Variants in DNAH8 observed in about 807,000 individuals in gnomAD.
DNAH8 encodes the protein axonemal beta dynein heavy chain 8.
Under a neutral mutation model 562.1 loss-of-function variants are expected in DNAH8, and 382 were observed. The observed-to-expected ratio is 0.68, with a 90% CI of 0.63 to 0.74. The LOEUF (loss-of-function observed/expected upper bound fraction) is 0.74. Among genes scored for constraint, DNAH8 ranks in the 30% least tolerant of loss-of-function variants. The pLI, the probability that DNAH8 is intolerant of heterozygous loss-of-function variation, is 0.00. For missense variants in DNAH8, 5,203 were observed against 5,620.4 expected (o/e 0.93, Z 2.37); for synonymous variants, 1,881 against 1,919.4 (o/e 0.98, Z 0.52).
intron 92 of DNAH8, among the ~76,000 whole-genome samples, chr6:39,028,806 A>G (rs921989650): frequency 2.0e-5 from 3 of 152,216 alleles, no homozygotes; most frequent in Non-Finnish European, 4.4e-5. Context: ...GATGGTAACC[A>G]TATGTCCTGA....
At chr6:38,962,669 A>C (rs139425792) in intron 82 of DNAH8, among the ~76,000 whole-genome samples, 90 of 152,338 alleles carry the variant, frequency 5.9e-4, no homozygotes, top group Non-Finnish European at 1.1e-3. Context: ...TAAAACAAGA[A>C]AAAGAATATA....
chr6:38,911,689 C>A (rs1446510642), intron 66 of DNAH8, 103 bp downstream of exon 66: 2 of 799,894 alleles, frequency 2.5e-6, no homozygotes, highest in African/African-American at 1.7e-5. Flanking sequence ...ATGAAATACT[C>A]ACTTTGTTAG....
At chr6:38,791,767 G>C in intron 21 of DNAH8, 93 bp downstream of exon 21, 8 of 1,318,796 alleles carry the variant, frequency 6.1e-6, no homozygotes, top group Non-Finnish European at 8.3e-6. Context: ...ACCTGGGTCA[G>C]TAGCATTTAG....
intron 7 of DNAH8, 94 bp downstream of exon 7, chr6:38,738,066 C>T: frequency 7.8e-7 from 1 of 1,285,288 alleles, no homozygotes; most frequent in Middle Eastern, 1.9e-4. Context: ...GAAGAGGTGT[C>T]TCCTTTGACT....
At chr6:38,826,006 T>C (rs1773285366) in intron 28 of DNAH8, 150 bp from the exon 29 acceptor site, 3 of 580,544 alleles carry the variant, frequency 5.2e-6, no homozygotes, top group Non-Finnish European at 9.1e-6. Context: ...AGTAACCTTA[T>C]AGCACATGTA....
intron 88 of DNAH8, among the ~76,000 whole-genome samples, chr6:38,997,860 C>T (rs373824842): frequency 1.4e-4 from 21 of 152,170 alleles, no homozygotes; most frequent in African/African-American, 4.3e-4. Flanking sequence ...CAGGCTCAAG[C>T]GGTTCTCATG....
At chr6:38,867,953 A>C in intron 47 of DNAH8, 109 bp from the exon 48 acceptor site, 1 of 1,158,280 alleles carries the variant, frequency 8.6e-7, no homozygotes, top group Non-Finnish European at 1.2e-6. Flanking sequence ...AGTCACCCCA[A>C]AACTATCCCA....
chr6:38,902,705 C>T (rs903687977), intron 62 of DNAH8, among the ~76,000 whole-genome samples: 1 of 152,172 alleles, frequency 6.6e-6, no homozygotes, highest in African/African-American at 2.4e-5. Flanking sequence ...ATTCTGGATA[C>T]ATTTTATAAC....
intron 17 of DNAH8, 124 bp from the exon 18 acceptor site, chr6:38,786,641 C>A: frequency 1.1e-6 from 1 of 893,644 alleles, no homozygotes; most frequent in Non-Finnish European, 1.7e-6. Flanking sequence ...GCACCTGGGG[C>A]ATCCAAAACA....
At chr6:38,862,514 A>G in intron 44 of DNAH8, 56 bp downstream of exon 44, 1 of 1,542,282 alleles carries the variant, frequency 6.5e-7, no homozygotes, top group Non-Finnish European at 8.8e-7. Context: ...TTGCCTTTTA[A>G]TGTTATTTTC....
At chr6:38,800,133 C>A (rs1770646694) in intron 21 of DNAH8, among the ~76,000 whole-genome samples, 1 of 151,904 alleles carries the variant, frequency 6.6e-6, no homozygotes, top group African/African-American at 2.4e-5. Context: ...TTTTATCTAT[C>A]CATTCACCAG....
At position 38,789,870 on chromosome 6, in the gene DNAH8, C is replaced by T. The variant is rs767179124; in HGVS notation, c.2651C>T (p.Pro884Leu). ...TCTGTGTTTGTCAATCTGATGACCC[C>T]AAAAATGAAAAAGGTTGGTATTGCT... Reference protein sequence around the residue: ...VPSVFVNLMTPKMKKVESVLR... With the variant: ...VPSVFVNLMTLKMKKVESVLR... The change falls in exon 19 of 93, where the codon CCA (proline) becomes CTA (leucine). Residue 884 changes from proline to leucine, a missense_variant. Coordinates refer to ENST00000327475, the MANE Select transcript of DNAH8 (RefSeq NM_001206927.2). The T allele has an allele frequency of 1.2e-6, 2 of 1,610,332 alleles. No homozygotes were observed. The highest frequency in any genetic ancestry group is 1.7e-6 in the Non-Finnish European group (2 of 1,177,898).
At chr6:38,801,827 TG>T (rs1370158486) in intron 21 of DNAH8, among the ~76,000 whole-genome samples, 1 of 152,076 alleles carries the variant, frequency 6.6e-6, no homozygotes, top group Non-Finnish European at 1.5e-5. Flanking sequence ...ACATAACACA[TG>T]GGGGCAAAAC....
chr6:38,836,325 TAATCCCAGCTACTC>T (rs1262384685), intron 32 of DNAH8, among the ~76,000 whole-genome samples: 1 of 151,970 alleles, frequency 6.6e-6, no homozygotes, highest in African/African-American at 2.4e-5. Context: ...CATGTGCCTG[TAATCCCAGCTACTC>T]AGGAGGCTGA....
In DNAH8 at chr6:38,851,616, T is replaced by TAG; in HGVS notation, c.5409_5410insGA (p.Ser1804AspfsTer33). On this transcript the variant is annotated frameshift_variant, in exon 39 of 93. Coordinates refer to ENST00000327475, the MANE Select transcript of DNAH8 (RefSeq NM_001206927.2). LOFTEE classifies it high-confidence loss of function. The stretch of plus-strand genomic sequence containing the variant: ...TTACTGTTTCCAAGATTCTTCTTTG[T>TAG]ATCTGATCCAGTTCTCCTGGAAATT... The TAG allele has an allele frequency of 6.2e-7, 1 of 1,612,378 alleles. No homozygotes were observed. The highest frequency in any genetic ancestry group is 8.5e-7 in the Non-Finnish European group (1 of 1,179,376).
intron 13 of DNAH8, among the ~76,000 whole-genome samples, chr6:38,776,449 T>C (rs1768088149): frequency 6.6e-6 from 1 of 152,074 alleles, no homozygotes; most frequent in African/African-American, 2.4e-5. Flanking sequence ...AACTCCTGAC[T>C]TCAGGTGATT....
rs143772933 is a variant in DNAH8, at chr6:38,911,576, T to C, written c.9849T>C (p.Arg3283=). 6.3e-7 allele frequency: 1 copy of C among 1,593,262 alleles called. No individual in the cohort carries two copies. The highest frequency in any genetic ancestry group is 8.6e-7 in the Non-Finnish European group (1 of 1,161,254). Residue 3283 remains arginine (R), a synonymous_variant, in exon 66 of 93, where the codon CGT becomes CGC. Transcript: ENST00000327475. The part of the protein sequence containing the change: ...KVKFINEQAE[R]MNIGLDKLME... ...AGTTCATTAATGAACAGGCTGAACG[T>C]ATGAATATTGGTAAGAGGAATGGAA...
intron 91 of DNAH8, among the ~76,000 whole-genome samples, chr6:39,021,039 T>C (rs1766885775): frequency 6.6e-6 from 1 of 152,210 alleles, no homozygotes; most frequent in Non-Finnish European, 1.5e-5. Context: ...TACCTAGTAA[T>C]GGGATTGCTG....
chr6:38,717,521 C>T (rs1020152463), intron 1 of DNAH8, among the ~76,000 whole-genome samples: 1 of 151,652 alleles, frequency 6.6e-6, no homozygotes, highest in Non-Finnish European at 1.5e-5. Context: ...GACTGGGTTT[C>T]TCCATGTTGC....
Sources: allele counts gnomAD v4.1 joint callset (sites outside exome capture counted in the v4.1 genomes callset), GRCh38; gene constraint gnomAD v4.1.1; transcripts MANE v1.5; gene names NCBI Gene and HGNC (gene_info 2026-07-23, HGNC 2026-07-21).